Variants in PTK2 observed in about 807,000 individuals in gnomAD.
The protein encoded by PTK2 is focal adhesion kinase 1.
Under a neutral mutation model 150.1 loss-of-function variants are expected in PTK2, and 45 were observed. The ratio of observed to expected loss-of-function variants is 0.30; its 90% CI spans 0.24 to 0.38. The LOEUF (loss-of-function observed/expected upper bound fraction) is 0.38. Among genes scored for constraint, PTK2 ranks in the 10% least tolerant of loss-of-function variants. PTK2 has a pLI of 1.00. For synonymous variants in PTK2, 432 were observed against 449.2 expected (o/e 0.96, Z 0.48); for missense variants, 919 against 1,307.3 (o/e 0.70, Z 4.58).
chr8:140,739,291 T>C (rs181035085), intron 20 of PTK2, among the ~76,000 whole-genome samples, 184 bp from the exon 24 acceptor site: 22 of 152,244 alleles, frequency 1.4e-4, no homozygotes, highest in African/African-American at 4.8e-4. Flanking sequence ...GGGTGAGGAA[T>C]GGTTAGATGG....
intron 1 of PTK2, among the ~76,000 whole-genome samples, chr8:140,940,998 A>C (rs369921694): frequency 2.0e-5 from 3 of 152,172 alleles, no homozygotes; most frequent in East Asian, 3.9e-4. Flanking sequence ...TTAAAAAAAA[A>C]TAAATTCAAC....
At chr8:140,891,635 G>C (rs573320285) in intron 2 of PTK2, among the ~76,000 whole-genome samples, 1 of 152,326 alleles carries the variant, frequency 6.6e-6, no homozygotes. Flanking sequence ...AACCAGCAGA[G>C]CTTTCGGCAG....
intron 11 of PTK2, among the ~76,000 whole-genome samples, chr8:140,802,940 G>A (rs1206471822): frequency 7.1e-6 from 1 of 139,896 alleles, no homozygotes; most frequent in Non-Finnish European, 1.5e-5. Flanking sequence ...CGTACCTGTT[G>A]TTAAGCAAAA....
chr8:140,871,628 G>A (rs1297184873), intron 4 of PTK2, among the ~76,000 whole-genome samples: 1 of 152,190 alleles, frequency 6.6e-6, no homozygotes. Flanking sequence ...TCAAGACCTT[G>A]TCTCTACTAA....
chr8:140,731,864 C>G (rs2100049612), intron 22 of PTK2, among the ~76,000 whole-genome samples: 1 of 152,098 alleles, frequency 6.6e-6, no homozygotes. Context: ...GATGGTGCCA[C>G]CGCACTCTAG....
In PTK2 at chr8:140,935,970, T is replaced by C. The variant is rs991550686; in HGVS notation, c.-121-10221A>G. Among the ~76,000 whole-genome samples the C allele has an allele frequency of 3.3e-5, 5 of 152,048 alleles. No homozygotes were observed. In the South Asian group the frequency reaches 6.2e-4, roughly 19 times the overall value. On this transcript the variant is annotated intron_variant, in intron 1 of 31. Transcript: ENST00000522684. ...CCTGTCCTCATCTTTTAAGAGTAGA[T>C]CAGAGCCTAGGCAACAAAGTGAAAC...
At position 140,879,592 on chromosome 8, in the gene PTK2, C is replaced by A. The variant is rs755894891; in HGVS notation, c.241G>T (p.Ala81Ser). Residue 81 changes from alanine to serine, a missense_variant, in exon 4 of 32, where the codon GCC becomes TCC. By Grantham distance (99) the Ala-to-Ser change is moderately conservative (BLOSUM62 1). Around this residue, in one of 3 missense-constraint regions of PTK2, gnomAD observed 555 missense variants for 880.1 expected, o/e 0.63. Coordinates refer to ENST00000522684, the Ensembl canonical transcript of PTK2. Reference sequence around the variant, plus strand: ...TGACTGAGGCGGAATCCATAGCAGGCCACATGCTTTACTTTGTGACTGTCC... The same window carrying A: ...TGACTGAGGCGGAATCCATAGCAGGACACATGCTTTACTTTGTGACTGTCC... The A allele has an allele frequency of 3.0e-5, 45 of 1,505,196 alleles. 1 individual carries two copies. The South Asian group carries it at 5.0e-4, about 17-fold the overall frequency. 93.2% of individuals were successfully genotyped at this position (1,505,196 alleles called of 1,614,324 possible). A position where few individuals can be genotyped will look rare whatever the true frequency, so the allele number is the denominator to read the frequency against.
chr8:140,971,906 A>C (rs183771033), intron 1 of PTK2, among the ~76,000 whole-genome samples: 1 of 152,358 alleles, frequency 6.6e-6, no homozygotes, highest in Non-Finnish European at 1.5e-5. Context: ...TCTAACCACC[A>C]ATAGGAAGTG....
chr8:140,759,159 T>G (rs2100067707), intron 16 of PTK2, among the ~76,000 whole-genome samples: 1 of 152,184 alleles, frequency 6.6e-6, no homozygotes, highest in African/African-American at 2.4e-5. Context: ...GGCACATGAT[T>G]GTACTATTAG....
At chr8:140,972,088 C>T (rs2100187496) in intron 1 of PTK2, among the ~76,000 whole-genome samples, 1 of 152,058 alleles carries the variant, frequency 6.6e-6, no homozygotes. Flanking sequence ...AATCTCCTTG[C>T]AGATTAGCAT....
At chr8:140,925,673 A>C (rs1178374164) in exon 2 of PTK2, 1 of 985,108 alleles carries the variant, frequency 1.0e-6, no homozygotes, top group Non-Finnish European at 1.2e-6. Context: ...CCCTTCCGTT[A>C]TTCTTGAGGA....
At chr8:140,869,463 G>A (rs2100141265) in intron 4 of PTK2, among the ~76,000 whole-genome samples, 2 of 152,148 alleles carry the variant, frequency 1.3e-5, no homozygotes, top group Admixed American at 6.6e-5. Context: ...TCTGCTCAGG[G>A]AGACTGTGAC....
At chr8:140,901,200 A>G (rs1208825868) in intron 2 of PTK2, among the ~76,000 whole-genome samples, 3 of 151,760 alleles carry the variant, frequency 2.0e-5, no homozygotes, top group Admixed American at 6.6e-5. Context: ...AGAAAACTGG[A>G]TAACTGTATG....
intron 3 of PTK2, among the ~76,000 whole-genome samples, chr8:140,880,549 G>A (rs2100148585): frequency 6.6e-6 from 1 of 152,094 alleles, no homozygotes; most frequent in African/African-American, 2.4e-5. Flanking sequence ...TAGGTGATAA[G>A]ACAAGTTTTT....
At chr8:140,826,859 A>C (rs1228169942) in intron 8 of PTK2, among the ~76,000 whole-genome samples, 1 of 152,132 alleles carries the variant, frequency 6.6e-6, no homozygotes, top group African/African-American at 2.4e-5. Flanking sequence ...CCGAGGCTGC[A>C]GTGAGCCAAG....
chr8:140,881,746 G>T (rs1373688355), intron 3 of PTK2, among the ~76,000 whole-genome samples: 1 of 152,192 alleles, frequency 6.6e-6, no homozygotes, highest in Non-Finnish European at 1.5e-5. Flanking sequence ...GTGACCCCAT[G>T]AAAAAGTCAC....
intron 4 of PTK2, among the ~76,000 whole-genome samples, chr8:140,868,733 T>C (rs1403521243): frequency 6.6e-6 from 1 of 152,024 alleles, no homozygotes; most frequent in Non-Finnish European, 1.5e-5. Flanking sequence ...AAGAACACAA[T>C]ACAAATAACC....
At chr8:140,706,231 G>A in intron 23 of PTK2, 26 bp from the exon 27 acceptor site, 1 of 1,544,084 alleles carries the variant, frequency 6.5e-7, no homozygotes, top group Admixed American at 1.7e-5. Context: ...AGCATCATAT[G>A]AATGAACCTT....
exon 3 of PTK2, chr8:140,890,732 T>C: frequency 6.2e-7 from 1 of 1,614,200 alleles, no homozygotes; most frequent in African/African-American, 1.3e-5. Context: ...GGTAAGCAGC[T>C]GCCATTATTT....
Sources: allele counts gnomAD v4.1 joint callset (sites outside exome capture counted in the v4.1 genomes callset), GRCh38; gene constraint gnomAD v4.1.1; regional missense constraint gnomAD v4.1.1; transcripts MANE v1.5; gene names NCBI Gene and HGNC (gene_info 2026-07-23, HGNC 2026-07-21).